MTCL1: variants seen among roughly 807,000 people sequenced by gnomAD.
MTCL1 encodes the protein microtubule crosslinking factor 1.
A neutral mutation model predicts 141.4 loss-of-function variants in MTCL1; 79 were observed. The ratio of observed to expected loss-of-function variants is 0.56; its 90% CI spans 0.47 to 0.67. The LOEUF (loss-of-function observed/expected upper bound fraction) is 0.67, where lower values mean the gene tolerates loss of function less well. Among genes scored for constraint, MTCL1 ranks in the 30% least tolerant of loss-of-function variants. MTCL1 has a pLI of 0.00. For synonymous variants in MTCL1, 914 were observed against 875.8 expected, an observed-to-expected ratio of 1.04 and a Z score of -0.77; for missense variants, 2,177 against 2,113.9, an observed-to-expected ratio of 1.03 and a Z score of -0.59.
intron 9 of MTCL1, among the ~76,000 whole-genome samples, chr18:8,796,700 C>T (rs1252435562): frequency 6.6e-6 from 1 of 152,122 alleles, no homozygotes; most frequent in Non-Finnish European, 1.5e-5. Context: ...GCAGATATAA[C>T]AGAAGTAACG....
intron 7 of MTCL1, among the ~76,000 whole-genome samples, chr18:8,792,575 A>G (rs1055555368): frequency 2.4e-4 from 36 of 152,212 alleles, no homozygotes; most frequent in African/African-American, 8.2e-4. Flanking sequence ...GAAAGACCCC[A>G]TGACTTAGAG....
At chr18:8,710,868 C>CT (rs1479584025) in intron 1 of MTCL1, among the ~76,000 whole-genome samples, 2 of 32,150 alleles carry the variant, frequency 6.2e-5, no homozygotes, top group Non-Finnish European at 6.3e-5. Flanking sequence ...AATCTGTTTT[C>CT]TTTTTTCTTT....
chr18:8,759,878 C>T (rs546957762), intron 4 of MTCL1, among the ~76,000 whole-genome samples: 2 of 152,114 alleles, frequency 1.3e-5, no homozygotes, highest in South Asian at 2.1e-4. Context: ...GGGAGGGTGG[C>T]GTGGTTTGCG....
chr18:8,784,905 T>G, intron 6 of MTCL1, 62 bp downstream of exon 5: 4 of 1,428,880 alleles, frequency 2.8e-6, no homozygotes, highest in Non-Finnish European at 3.8e-6. Flanking sequence ...CTCGCTGGCA[T>G]TGCTGCACTC....
Position 8,824,873 on chromosome 18 carries a change from CAG to C in MTCL1, c.3364_3365del (p.Arg1122GlyfsTer89). 2 of 1,614,062 alleles carry C rather than the reference CAG, an allele frequency of 1.2e-6. No homozygotes were observed. Among genetic ancestry groups the C allele is most frequent in the South Asian group, 1.1e-5 (1 of 91,088 alleles). On this transcript the variant is annotated frameshift_variant, in exon 15 of 17. Transcript: ENST00000359865. LOFTEE classifies it high-confidence loss of function. Reference sequence around the variant, plus strand: ...ACAAGAGCTGGGACTACACACCCAACAGGGGCCACAATGGTGGGGGGCCGGAC... The same window carrying C: ...ACAAGAGCTGGGACTACACACCCAACGGGCCACAATGGTGGGGGGCCGGAC...
intron 3 of MTCL1, among the ~76,000 whole-genome samples, chr18:8,719,501 C>G (rs769765782): frequency 6.6e-6 from 1 of 152,184 alleles, no homozygotes; most frequent in Non-Finnish European, 1.5e-5. Context: ...GTTTACCACA[C>G]CAGAGCCACA....
chr18:8,737,836 ACCCATGACTCCAGTTGG>A lies in MTCL1; in HGVS notation c.357+17343_357+17359del, dbSNP rs1465079633. Among the ~76,000 whole-genome samples the A allele has an allele frequency of 9.2e-5, 14 of 151,952 alleles. No individual in the cohort carries two copies. In the East Asian group the frequency reaches 2.1e-3, roughly 23 times the overall value. The stretch of plus-strand genomic sequence containing the variant: ...CTAAACCAAGGTCATGGCCCATCTG[ACCCATGACTCCAGTTGG>A]CCGGTGGGCTGGCTTTCCTGTCTGT... On this transcript the variant is annotated intron_variant, in intron 4 of 16. Transcript: ENST00000359865.
intron 8 of MTCL1, among the ~76,000 whole-genome samples, chr18:8,794,220 CT>C (rs1204319345): frequency 6.6e-6 from 1 of 152,196 alleles, no homozygotes; most frequent in African/African-American, 2.4e-5. Context: ...GAGTTTATCA[CT>C]GAAGATGCTG....
chr18:8,815,855 G>T (rs879632279), intron 12 of MTCL1, among the ~76,000 whole-genome samples: 21 of 152,064 alleles, frequency 1.4e-4, no homozygotes, highest in Non-Finnish European at 1.0e-4. Flanking sequence ...TGAGTTTCGG[G>T]CATGCATCTG....
exon 13 of MTCL1, chr18:8,819,056 C>G: frequency 6.2e-7 from 1 of 1,614,260 alleles, no homozygotes; most frequent in Non-Finnish European, 8.5e-7. Context: ...GGGAAGCCTC[C>G]GCATGCCCCG....
chr18:8,720,664 A>ACAAACAAG (rs1567936265), intron 4 of MTCL1, among the ~76,000 whole-genome samples, 168 bp downstream of exon 3: 1 of 152,240 alleles, frequency 6.6e-6, no homozygotes, highest in South Asian at 2.1e-4. Context: ...AGCGTGGTAA[A>ACAAACAAG]CAAACAAGCA....
At chr18:8,762,863 G>T (rs1407625527) in intron 4 of MTCL1, among the ~76,000 whole-genome samples, 1 of 152,216 alleles carries the variant, frequency 6.6e-6, no homozygotes, top group Admixed American at 6.5e-5. Context: ...GGGGAAAGGG[G>T]CGAGTGTGGT....
At position 8,783,998 on chromosome 18, in the gene MTCL1, G is replaced by A. The variant is rs1193304665; in HGVS notation, c.886G>A (p.Glu296Lys). The A allele has an allele frequency of 1.2e-5, 19 of 1,613,594 alleles. No homozygotes were observed. The highest frequency in any genetic ancestry group is 1.3e-5 in the African/African-American group (1 of 74,924). ...GCTCCGGAGGTCCATCTCCGAGATC[G>A]AAGACCACAACCGGCAACTGACCCA... The change falls in exon 6 of 17, where the codon GAA becomes AAA. Residue 296 changes from glutamate (E) to lysine (K), a missense_variant. By Grantham distance (56) the Glu-to-Lys change is moderately conservative (BLOSUM62 1). Transcript: ENST00000359865.
At chr18:8,743,256 C>T (rs76582052) in intron 4 of MTCL1, among the ~76,000 whole-genome samples, 37 of 152,328 alleles carry the variant, frequency 2.4e-4, no homozygotes, top group Non-Finnish European at 3.5e-4. Flanking sequence ...ATATAACATA[C>T]GTAAATGAAT....
At chr18:8,712,064 C>G (rs1337541762) in intron 1 of MTCL1, among the ~76,000 whole-genome samples, 1 of 152,164 alleles carries the variant, frequency 6.6e-6, no homozygotes, top group Non-Finnish European at 1.5e-5. Flanking sequence ...CTTTTAGCAG[C>G]CATAACCCCA....
chr18:8,795,487 T>G (rs912625252), intron 8 of MTCL1, among the ~76,000 whole-genome samples: 2 of 152,262 alleles, frequency 1.3e-5, no homozygotes, highest in Non-Finnish European at 2.9e-5. Context: ...TTTTTAGTAT[T>G]GATACACAAT....
chr18:8,784,399 G>C (rs1464511274), exon 6 of MTCL1: 6 of 1,527,274 alleles, frequency 3.9e-6, no homozygotes, highest in Non-Finnish European at 5.3e-6. Context: ...CGGGCTTCGG[G>C]AGCGGGAAGC....
intron 7 of MTCL1, chr18:8,786,619 G>C (rs572093702): frequency 6.0e-6 from 2 of 331,076 alleles, no homozygotes; most frequent in Non-Finnish European, 1.2e-5. Flanking sequence ...ACAGTAACCC[G>C]GTATACACAA....
chr18:8,767,497 A>G (rs1325692114), intron 4 of MTCL1, among the ~76,000 whole-genome samples: 1 of 152,172 alleles, frequency 6.6e-6, no homozygotes. Context: ...ACTGTCCTCA[A>G]ATATACATTA....
Sources: gnomAD v4.1 joint callset for allele counts (sites outside exome capture counted in the v4.1 genomes callset) on GRCh38, gnomAD v4.1.1 for gene constraint, MANE v1.5 for transcripts, NCBI Gene and HGNC (gene_info 2026-07-23, HGNC 2026-07-21) for gene names.